The following FMNL3 variants were observed in gnomAD, a reference collection of about 807,000 sequenced individuals.
The protein encoded by FMNL3 is formin like 3.
A neutral mutation model predicts 119.6 loss-of-function variants in FMNL3; 57 were observed. That is an observed-to-expected ratio of 0.48 (90% confidence interval 0.39 to 0.59). The LOEUF is 0.59. FMNL3 is among the 20% of genes least tolerant of loss of function. FMNL3 has a pLI of 0.00. For synonymous variants in FMNL3, 491 were observed against 507.3 expected (o/e 0.97, Z 0.43); for missense variants, 1,053 against 1,323.5 (o/e 0.80, Z 3.17).
chr12:49,652,072 T>G lies in FMNL3; in HGVS notation c.1464A>C (p.Arg488Ser). Residue 488 changes from arginine (R) to serine (S), a missense_variant, in exon 14 of 26, where the codon AGA (arginine) becomes AGC (serine). By Grantham distance (110) the Arg-to-Ser change is moderately radical. Transcript: ENST00000335154. Reference protein sequence around the residue: ...LESVDSEALARVGPAELSEGM... With the variant: ...LESVDSEALASVGPAELSEGM... ...CCTCACTCAGCTCTGCAGGGCCTAC[T>G]CTGGCCAGGGCCTCACTGTCCACAG... is the stretch of plus-strand genomic sequence containing the variant. 6.2e-7 allele frequency: 1 copy of G among 1,612,604 alleles called. No homozygotes were observed.
chr12:49,700,391 CA>C (rs11456820), intron 1 of FMNL3, among the ~76,000 whole-genome samples: 107 of 56,446 alleles, frequency 1.9e-3, no homozygotes, highest in East Asian at 3.0e-3. Context: ...GAATCCGTCT[CA>C]AAAAAAAAAA....
At chr12:49,685,399 T>C (rs999125164) in intron 1 of FMNL3, among the ~76,000 whole-genome samples, 1 of 151,720 alleles carries the variant, frequency 6.6e-6, no homozygotes. Context: ...GAGGTGGAGG[T>C]TGCAGTGAGC....
intron 1 of FMNL3, among the ~76,000 whole-genome samples, chr12:49,672,737 G>C (rs961894721): frequency 3.9e-5 from 6 of 152,176 alleles, no homozygotes; most frequent in Admixed American, 2.6e-4. Context: ...CCACTGCAGG[G>C]GAAGGGAAAT....
intron 13 of FMNL3, 124 bp downstream of exon 13, chr12:49,653,102 A>T (rs756153491): frequency 2.1e-5 from 18 of 869,896 alleles, no homozygotes; most frequent in Non-Finnish European, 3.3e-5. Context: ...ACACCTGAGT[A>T]CCTCAAGGGT....
chr12:49,656,426 G>C lies in FMNL3; in HGVS notation c.863C>G (p.Ala288Gly), dbSNP rs1592650652. The change falls in exon 9 of 26, where the codon GCT (alanine) becomes GGT (glycine). Residue 288 changes from alanine (A) to glycine (G), a missense_variant. Physicochemically the swap from Ala to Gly is moderately conservative, Grantham distance 60. This residue lies in a region of FMNL3 where 445 missense variants were observed against 628.4 expected (regional missense o/e 0.71). Transcript: ENST00000335154. Reference protein sequence around the residue: ...LVRGGHEIILAAFDNFKEVCK... With the variant: ...LVRGGHEIILGAFDNFKEVCK... ...GACCTCTTTGAAATTGTCAAAGGCA[G>C]CAAGGATGATTTCGTGACCTCCTCG... The C allele has an allele frequency of 1.5e-5, 24 of 1,614,062 alleles. No individual in the cohort carries two copies. Among genetic ancestry groups the C allele is most frequent in the Non-Finnish European group, 2.0e-5 (24 of 1,179,962 alleles).
intron 1 of FMNL3, among the ~76,000 whole-genome samples, chr12:49,690,636 C>T (rs1004619726): frequency 2.0e-5 from 3 of 152,194 alleles, no homozygotes; most frequent in Non-Finnish European, 4.4e-5. Context: ...ATCTGGCTGA[C>T]TCTAAAGCCC....
intron 25 of FMNL3, 104 bp from the exon 26 acceptor site, chr12:49,646,007 G>A: frequency 1.0e-6 from 1 of 955,212 alleles, no homozygotes; most frequent in South Asian, 1.6e-5. Context: ...CCAGCAGTGA[G>A]GCAGATAAAC....
intron 1 of FMNL3, among the ~76,000 whole-genome samples, chr12:49,682,405 A>G (rs1368097605): frequency 4.6e-5 from 7 of 152,150 alleles, no homozygotes; most frequent in Non-Finnish European, 1.0e-4. Flanking sequence ...GTACAGCAGC[A>G]TAACCACAAC....
At chr12:49,695,211 C>G (rs1944719827) in intron 1 of FMNL3, among the ~76,000 whole-genome samples, 1 of 151,996 alleles carries the variant, frequency 6.6e-6, no homozygotes, top group Non-Finnish European at 1.5e-5. Flanking sequence ...AAGCTAAATT[C>G]CTCTTGAATC....
At chr12:49,670,191 G>A (rs1240427232) in intron 1 of FMNL3, among the ~76,000 whole-genome samples, 1 of 152,196 alleles carries the variant, frequency 6.6e-6, no homozygotes, top group African/African-American at 2.4e-5. Context: ...GTGCATCCAG[G>A]GTCCCTGAGG....
At chr12:49,700,086 T>C (rs1944860557) in intron 1 of FMNL3, among the ~76,000 whole-genome samples, 1 of 152,216 alleles carries the variant, frequency 6.6e-6, no homozygotes, top group African/African-American at 2.4e-5. Flanking sequence ...CACAGTGTTA[T>C]TTGTAACAGC....
At position 49,649,693 on chromosome 12, in the gene FMNL3, G is replaced by A; in HGVS notation, c.2233C>T (p.Pro745Ser). ...CATGAGTTGGGTGGGGGCTGTACCG[G>A]TGTGAGCATCTGCAGGTTATCCTGG... ...NFQDNLQMLT[P>S]QLNAIIAASA... Residue 745 changes from proline to serine, a missense_variant and splice_region_variant, in exon 18 of 26, where the codon CCG becomes TCG. Physicochemically the swap from Pro to Ser is moderately conservative, Grantham distance 74. Around this residue, in one of 4 missense-constraint regions of FMNL3, gnomAD observed 324 missense variants for 380.9 expected, o/e 0.85. Coordinates refer to ENST00000335154, the MANE Select transcript of FMNL3 (RefSeq NM_175736.5). This position sits in a 1 kb window ranked among gnomAD's most constrained non-coding sequence, Gnocchi z 5.6. The A allele has an allele frequency of 6.2e-7, 1 of 1,614,138 alleles. No homozygotes were observed. Among genetic ancestry groups the A allele is most frequent in the Non-Finnish European group, 8.5e-7 (1 of 1,180,000 alleles).
In FMNL3 at chr12:49,707,398, A is replaced by G; in HGVS notation, c.-218T>C. On this transcript the variant is annotated 5_prime_UTR_variant, in exon 1 of 26. Coordinates refer to ENST00000335154, the MANE Select transcript of FMNL3 (RefSeq NM_175736.5). ...GGACAGCCGCACCGAAGCAAGGCGGACGGAGGCGGCCGGCTCTTGCTCACA... is the reference window on the plus strand; with the variant it reads ...GGACAGCCGCACCGAAGCAAGGCGGGCGGAGGCGGCCGGCTCTTGCTCACA... 1.4e-5 allele frequency: 5 copies of G among 365,968 alleles called. No homozygotes were observed. Among genetic ancestry groups the G allele is most frequent in the Non-Finnish European group, 1.9e-5 (4 of 206,642 alleles). 22.7% of individuals were successfully genotyped at this position (365,968 alleles called of 1,614,324 possible). A position where few individuals can be genotyped will look rare whatever the true frequency, so the allele number is the denominator to read the frequency against.
Position 49,649,033 on chromosome 12 carries a change from T to C in FMNL3, c.2511A>G (p.Ala837=). 6.3e-7 allele frequency: 1 copy of C among 1,592,844 alleles called. No homozygotes were observed. Among genetic ancestry groups the C allele is most frequent in the Non-Finnish European group, 8.6e-7 (1 of 1,169,414 alleles). ...ACCCAGCCAGGCTCTCCTCACCTGC[T>C]GCAGCCTTCTCAACAAAGTGCAGCT... The part of the protein sequence containing the change: ...WHELHFVEKA[A]AVSLENVLLD... Residue 837 remains alanine, a synonymous_variant, in exon 21 of 26, where the codon GCA becomes GCG. Transcript: ENST00000335154. This position sits in a 1 kb window ranked among gnomAD's most constrained non-coding sequence, Gnocchi z 5.6.
rs187027871 is a variant in FMNL3, at chr12:49,690,541, C to T, written c.126+16514G>A. Among the ~76,000 whole-genome samples, 607 of 152,232 alleles carry T rather than the reference C, an allele frequency of 4.0e-3. 4 individuals carry two copies. Among genetic ancestry groups the T allele is most frequent in the Middle Eastern group, 6.8e-3 (2 of 294 alleles). ...TATATACCTAGTGATATCAAGAGCA[C>T]GTAGTAAATTTAAAACAAAAAACAA... On this transcript the variant is annotated intron_variant, in intron 1 of 25. Transcript: ENST00000335154.
chr12:49,657,382 C>T (rs996182385), intron 6 of FMNL3, among the ~76,000 whole-genome samples, 192 bp from the exon 7 acceptor site: 1 of 152,182 alleles, frequency 6.6e-6, no homozygotes, highest in African/African-American at 2.4e-5. Flanking sequence ...CCTCCTTAAA[C>T]AGGCCTTTGT....
intron 4 of FMNL3, among the ~76,000 whole-genome samples, chr12:49,662,993 C>A (rs915973931): frequency 6.6e-6 from 1 of 152,200 alleles, no homozygotes; most frequent in Non-Finnish European, 1.5e-5. Flanking sequence ...GGGCCTTTCT[C>A]CCCAACAGCT....
intron 1 of FMNL3, among the ~76,000 whole-genome samples, chr12:49,698,072 A>G (rs1048767225): frequency 1.3e-4 from 20 of 152,310 alleles, no homozygotes; most frequent in African/African-American, 4.6e-4. Context: ...TCCATCTCCT[A>G]AAGTACCCAA....
chr12:49,670,474 G>C (rs565508530), intron 1 of FMNL3, among the ~76,000 whole-genome samples: 13 of 152,294 alleles, frequency 8.5e-5, no homozygotes, highest in African/African-American at 3.1e-4. Flanking sequence ...TCCCAGGTCT[G>C]AGCTACAAGC....
Sources: allele counts gnomAD v4.1 joint callset (sites outside exome capture counted in the v4.1 genomes callset), GRCh38; gene constraint gnomAD v4.1.1; regional missense constraint gnomAD v4.1.1; non-coding constraint Gnocchi (gnomAD v3.1); transcripts MANE v1.5; gene names NCBI Gene and HGNC (gene_info 2026-07-23, HGNC 2026-07-21).